ADAMTS17: variants seen among roughly 807,000 people sequenced by gnomAD.
The protein encoded by ADAMTS17 is ADAM metallopeptidase with thrombospondin type 1 motif 17.
In ADAMTS17, 113 loss-of-function variants were observed where a neutral mutation model predicts 141.5. That is an observed-to-expected ratio of 0.80 (90% CI 0.69 to 0.93). ADAMTS17 has a LOEUF of 0.93. Among genes scored for constraint, ADAMTS17 ranks in the 40% least tolerant of loss-of-function variants. ADAMTS17 has a pLI of 0.00. For synonymous variants in ADAMTS17, 768 were observed against 630.6 expected, an observed-to-expected ratio of 1.22 and a Z score of -3.27; for missense variants, 1,659 against 1,517.9, an observed-to-expected ratio of 1.09 and a Z score of -1.54.
chr15:99,987,040 C>T (rs954168722), intron 20 of ADAMTS17, among the ~76,000 whole-genome samples: 3 of 152,180 alleles, frequency 2.0e-5, no homozygotes, highest in African/African-American at 7.2e-5. Flanking sequence ...AGAGGGGCTC[C>T]ATCTTCCCTA....
chr15:99,995,917 CAG>C (rs1056049529), intron 19 of ADAMTS17, among the ~76,000 whole-genome samples: 37 of 152,310 alleles, frequency 2.4e-4, no homozygotes, highest in African/African-American at 6.7e-4. Context: ...GATACAGACA[CAG>C]AGAAATTTCT....
At chr15:100,037,528 T>C (rs1415374160) in intron 18 of ADAMTS17, among the ~76,000 whole-genome samples, 6 of 151,794 alleles carry the variant, frequency 4.0e-5, no homozygotes, top group Admixed American at 1.3e-4. Context: ...CTCATGCCTG[T>C]CCCCTGAGTA....
chr15:100,149,947 C>A lies in ADAMTS17; in HGVS notation c.1473+2665G>T, dbSNP rs191696325. ...AGTGTCACTAGCCTTGCAAGCAGGACAATCACCACTGACCAGCTGAGGCTG... is the reference window on the plus strand; with the variant it reads ...AGTGTCACTAGCCTTGCAAGCAGGAAAATCACCACTGACCAGCTGAGGCTG... On this transcript the variant is annotated intron_variant, in intron 10 of 21. Coordinates refer to ENST00000268070, the MANE Select transcript of ADAMTS17 (RefSeq NM_139057.4). 2.0e-5 allele frequency among the ~76,000 whole-genome samples: 3 copies of A among 152,340 alleles called. 1 individual carries two copies. The highest frequency in any genetic ancestry group is 2.0e-4 in the Admixed American group (3 of 15,308).
intron 3 of ADAMTS17, among the ~76,000 whole-genome samples, chr15:100,309,466 A>T (rs1364854757): frequency 6.6e-6 from 1 of 152,198 alleles, no homozygotes; most frequent in African/African-American, 2.4e-5. Context: ...AAGCCCCCTC[A>T]GTGAGGATGG....
chr15:100,269,990 A>G lies in ADAMTS17; in HGVS notation c.790-7555T>C, dbSNP rs947742271. ...CAAATGCATTGCTCTAGGGTTTACA[A>G]GACTCCTTTCTTCCTTGTTCAAAAA... On this transcript the variant is annotated intron_variant, in intron 4 of 21. Coordinates refer to ENST00000268070, the MANE Select transcript of ADAMTS17 (RefSeq NM_139057.4). Among the ~76,000 whole-genome samples, 6 of 152,230 alleles carry G rather than the reference A, an allele frequency of 3.9e-5. No homozygotes were observed. The South Asian group carries it at 1.2e-3, about 31-fold the overall frequency.
At position 100,070,337 on chromosome 15, in the gene ADAMTS17, T is replaced by A. The variant is rs375732618; in HGVS notation, c.2138-16283A>T. 1.5e-4 allele frequency among the ~76,000 whole-genome samples: 22 copies of A among 148,120 alleles called. 2 individuals carry two copies. The highest frequency in any genetic ancestry group is 4.6e-4 in the African/African-American group (18 of 39,244). Reference sequence around the variant, plus strand: ...TGTCAACATTAGACAGATCAACGAGTCAGAAAGTTAACAAGGATATCCAGG... The same window carrying A: ...TGTCAACATTAGACAGATCAACGAGACAGAAAGTTAACAAGGATATCCAGG... On this transcript the variant is annotated intron_variant, in intron 15 of 21. Coordinates refer to ENST00000268070, the MANE Select transcript of ADAMTS17 (RefSeq NM_139057.4).
intron 15 of ADAMTS17, among the ~76,000 whole-genome samples, chr15:100,085,365 G>C (rs1596380792): frequency 7.2e-6 from 1 of 139,688 alleles, no homozygotes; most frequent in Non-Finnish European, 1.5e-5. Flanking sequence ...ATCTACATCT[G>C]ATTGGTGGAC....
rs987467467 is a variant in ADAMTS17, at chr15:100,072,012, A to G, written c.2138-17958T>C. On this transcript the variant is annotated intron_variant, in intron 15 of 21. Transcript: ENST00000268070. ...GACTGTATATCTAGAAAACCCCACC[A>G]TCTCAGCCCAAAATCTCCTTGAGCT... Among the ~76,000 whole-genome samples, 3 of 150,084 alleles carry G rather than the reference A, an allele frequency of 2.0e-5. 1 individual carries two copies. The Admixed American group carries it at 2.0e-4, about 10-fold the overall frequency.
chr15:99,991,434 T>C (rs2060687995), intron 20 of ADAMTS17, among the ~76,000 whole-genome samples: 2 of 152,240 alleles, frequency 1.3e-5, no homozygotes, highest in East Asian at 3.8e-4. Context: ...TCATCATCAC[T>C]GGTCATTAGA....
intron 14 of ADAMTS17, among the ~76,000 whole-genome samples, chr15:100,102,828 GCT>G (rs2036199165): frequency 6.6e-6 from 1 of 152,122 alleles, no homozygotes; most frequent in Non-Finnish European, 1.5e-5. Context: ...AGCCCGTCAA[GCT>G]CTGAGTGTGG....
At chr15:100,040,364 T>C (rs2031136628) in intron 18 of ADAMTS17, among the ~76,000 whole-genome samples, 1 of 152,226 alleles carries the variant, frequency 6.6e-6, no homozygotes, top group East Asian at 1.9e-4. Context: ...TTCTGAGAGA[T>C]CGCTTTGTAA....
intron 7 of ADAMTS17, among the ~76,000 whole-genome samples, chr15:100,247,961 G>A (rs577621601): frequency 1.3e-5 from 2 of 152,224 alleles, no homozygotes; most frequent in South Asian, 4.1e-4. Flanking sequence ...GCTCCCCTCA[G>A]GCCACCCAAA....
In ADAMTS17 at chr15:100,055,022, A is replaced by G. The variant is rs141859612; in HGVS notation, c.2138-968T>C. ...ATTTAGGGAAAAAAAAATCCCAACAACTAAAACCTATTCTGGCATTTTAGG... is the reference window on the plus strand; with the variant it reads ...ATTTAGGGAAAAAAAAATCCCAACAGCTAAAACCTATTCTGGCATTTTAGG... On this transcript the variant is annotated intron_variant, in intron 15 of 21. Coordinates refer to ENST00000268070, the MANE Select transcript of ADAMTS17 (RefSeq NM_139057.4). Among the ~76,000 whole-genome samples, 468 of 152,202 alleles carry G rather than the reference A, an allele frequency of 3.1e-3. 1 individual carries two copies. Among genetic ancestry groups the G allele is most frequent in the African/African-American group, 0.011 (436 of 41,506 alleles).
At chr15:100,308,775 C>T (rs1380910202) in intron 3 of ADAMTS17, among the ~76,000 whole-genome samples, 5 of 152,138 alleles carry the variant, frequency 3.3e-5, no homozygotes, top group Admixed American at 1.3e-4. Flanking sequence ...GGGAGTCTGA[C>T]TAAGCAGCAG....
chr15:100,292,255 T>C (rs1394252286), intron 3 of ADAMTS17, among the ~76,000 whole-genome samples: 2 of 128,316 alleles, frequency 1.6e-5, no homozygotes, highest in African/African-American at 3.0e-5. Context: ...CGTGAGAAAC[T>C]ATGAGAGACG....
intron 3 of ADAMTS17, among the ~76,000 whole-genome samples, chr15:100,297,733 G>C (rs1242844221): frequency 6.6e-6 from 1 of 152,090 alleles, no homozygotes; most frequent in African/African-American, 2.4e-5. Context: ...GCGGATTTGG[G>C]AGCTCAAGAA....
chr15:100,125,682 T>C (rs2141202281), intron 12 of ADAMTS17, among the ~76,000 whole-genome samples: 1 of 152,302 alleles, frequency 6.6e-6, no homozygotes, highest in East Asian at 1.9e-4. Context: ...CCCTGCAGTC[T>C]TCTGACGTAA....
chr15:100,341,963 C>T lies in ADAMTS17; in HGVS notation c.-64G>A. On this transcript the variant is annotated 5_prime_UTR_variant, in exon 1 of 22. Transcript: ENST00000268070. ...GAAGCAGGAGCGCGCTAGGCGGCGG[C>T]GCCAGCCGGAGTGAAGCCCTCCAGC... 25 of 1,538,348 alleles carry T rather than the reference C, an allele frequency of 1.6e-5. No homozygotes were observed. In the South Asian group the frequency reaches 2.3e-4, roughly 14 times the overall value.
intron 7 of ADAMTS17, among the ~76,000 whole-genome samples, chr15:100,227,242 C>T (rs918050155): frequency 6.6e-6 from 1 of 152,142 alleles, no homozygotes; most frequent in African/African-American, 2.4e-5. Context: ...CTGACTCAGG[C>T]CCAGCTCCAA....
Sources: gnomAD v4.1 joint callset for allele counts (sites outside exome capture counted in the v4.1 genomes callset) on GRCh38, gnomAD v4.1.1 for gene constraint, MANE v1.5 for transcripts, NCBI Gene and HGNC (gene_info 2026-07-23, HGNC 2026-07-21) for gene names.